The following PRH1 variants were observed in gnomAD, a reference collection of about 807,000 sequenced individuals.
PRH1 encodes the protein proline rich protein HaeIII subfamily 1.
PRH1 carries 7 observed loss-of-function variants against 7.9 expected under a neutral mutation model. The observed-to-expected ratio is 0.89, with a 90% CI of 0.50 to 1.67. The LOEUF (loss-of-function observed/expected upper bound fraction) is 1.67, where lower values mean the gene tolerates loss of function less well. Ranked by LOEUF, PRH1 falls within the 40% of genes most tolerant of loss-of-function variation. PRH1 has a pLI of 0.00. For missense variants in PRH1, 109 were observed against 223.6 expected (o/e 0.49, Z 3.27); for synonymous variants, 45 against 80.8 (o/e 0.56, Z 2.38).
intron 1 of PRH1, among the ~76,000 whole-genome samples, chr12:11,162,752 T>G (rs889415167): frequency 6.6e-6 from 1 of 152,154 alleles, no homozygotes; most frequent in Non-Finnish European, 1.5e-5. Context: ...AGAAGTGATG[T>G]GTGAAAACTC....
rs757698450 is a variant in PRH1, at chr12:10,986,730, G to A, written c.-125-13009C>T. The A allele has an allele frequency of 1.2e-6, 2 of 1,612,870 alleles. No homozygotes were observed. The highest frequency in any genetic ancestry group is 1.7e-6 in the Non-Finnish European group (2 of 1,179,816). On this transcript the variant is annotated intron_variant, in intron 1 of 3. Transcript: ENST00000539853. Reference sequence around the variant, plus strand: ...CGCCAGAGCAGTGAGAATTTGGTCAGCTGAGGAGATCTTTTTTCTCTTCAC... The same window carrying A: ...CGCCAGAGCAGTGAGAATTTGGTCAACTGAGGAGATCTTTTTTCTCTTCAC...
upstream of PRH1, among the ~76,000 whole-genome samples, chr12:11,049,778 A>G (rs1374269055): frequency 6.6e-6 from 1 of 151,982 alleles, no homozygotes; most frequent in African/African-American, 2.4e-5. Flanking sequence ...TAATACCAGA[A>G]TCTAAACCTT....
At chr12:11,002,711 A>G (rs1940651459) in intron 1 of PRH1, among the ~76,000 whole-genome samples, 1 of 152,096 alleles carries the variant, frequency 6.6e-6, no homozygotes. Context: ...CTACATATAC[A>G]CAAGCACACT....
At chr12:10,884,418 G>A, upstream of PRH1, 1 of 629,212 alleles carries the variant, frequency 1.6e-6, no homozygotes, top group East Asian at 2.8e-5. Context: ...AGCAGGAAGG[G>A]TTGGGTAGGA....
chr12:10,887,982 A>G (rs1949518523), upstream of PRH1, among the ~76,000 whole-genome samples: 1 of 152,214 alleles, frequency 6.6e-6, no homozygotes, highest in Admixed American at 6.5e-5. Flanking sequence ...AAACTAGAGA[A>G]GCATAGTATG....
intron 1 of PRH1, chr12:11,171,164 AG>A: frequency 2.5e-6 from 1 of 396,198 alleles, no homozygotes; most frequent in Non-Finnish European, 4.4e-6. Context: ...AGAAGCAGAC[AG>A]GAAGGGGCGG....
chr12:10,995,719 C>CA lies in PRH1; in HGVS notation c.-125-21999dup, dbSNP rs1268219168. Among the ~76,000 whole-genome samples the CA allele has an allele frequency of 2.6e-5, 4 of 151,956 alleles. No individual in the cohort carries two copies. In the East Asian group the frequency reaches 5.8e-4, roughly 22 times the overall value. ...TTCAGGAGCTCAGAGGTGGCTTAGA[C>CA]AAAAAACTGAAATATATAACATCAG... On this transcript the variant is annotated intron_variant, in intron 1 of 3. Transcript: ENST00000539853.
chr12:11,096,022 T>C lies in PRH1; in HGVS notation n.124-48834A>G, dbSNP rs576736084. Among the ~76,000 whole-genome samples, 86 of 112,938 alleles carry C rather than the reference T, an allele frequency of 7.6e-4. 20 individuals carry two copies. Among genetic ancestry groups the C allele is most frequent in the African/African-American group, 2.3e-3 (79 of 33,632 alleles). 74.1% of individuals were successfully genotyped at this position (112,938 alleles called of 152,430 possible). A position where few individuals can be genotyped will look rare whatever the true frequency, so the allele number is the denominator to read the frequency against. ...TCCTCTAGTTACTTTTCAGGTTTTCTATTGGTCTTTGATGTCCTGTCATTT... is the reference window on the plus strand; with the variant it reads ...TCCTCTAGTTACTTTTCAGGTTTTCCATTGGTCTTTGATGTCCTGTCATTT... On this transcript the variant is annotated intron_variant and non_coding_transcript_variant, in intron 1 of 4. Coordinates refer to the PRH1 transcript ENST00000541977.
chr12:10,938,016 T>C (rs1950317604), intron 2 of PRH1: 4 of 380,774 alleles, frequency 1.1e-5, no homozygotes, highest in Non-Finnish European at 1.9e-5. Flanking sequence ...AGGTGAATGA[T>C]TGATACAAAA....
At chr12:10,996,471 C>T (rs959089460) in intron 1 of PRH1, 1 of 151,952 alleles carries the variant, frequency 6.6e-6, no homozygotes, top group Admixed American at 6.6e-5. Context: ...CAGTTAAACA[C>T]ACTATGGTAC....
upstream of PRH1, chr12:11,049,264 C>A: frequency 1.2e-6 from 1 of 821,922 alleles, no homozygotes; most frequent in Non-Finnish European, 1.6e-6. Flanking sequence ...CATGTTTGAA[C>A]AAATGAAAAG....
At chr12:10,930,339 C>G (rs1263596514) in intron 2 of PRH1, 1 of 1,598,204 alleles carries the variant, frequency 6.3e-7, no homozygotes, top group African/African-American at 1.3e-5. Context: ...AACTCTGTCT[C>G]CATTTTTCCC....
intron 2 of PRH1, among the ~76,000 whole-genome samples, chr12:10,954,137 A>G (rs1937832342): frequency 6.6e-6 from 1 of 152,206 alleles, no homozygotes; most frequent in Non-Finnish European, 1.5e-5. Flanking sequence ...AAGAAAGATC[A>G]TTATCAGCCA....
chr12:10,993,902 T>A (rs942234068), intron 1 of PRH1, among the ~76,000 whole-genome samples: 1 of 152,178 alleles, frequency 6.6e-6, no homozygotes, highest in Non-Finnish European at 1.5e-5. Flanking sequence ...CCCTAGCCAA[T>A]TAGTGCAAGA....
intron 1 of PRH1, among the ~76,000 whole-genome samples, chr12:11,014,192 A>G (rs977655417): frequency 6.6e-6 from 1 of 152,240 alleles, no homozygotes; most frequent in African/African-American, 2.4e-5. Flanking sequence ...AGATTACATG[A>G]GATCACCAAC....
intron 2 of PRH1, among the ~76,000 whole-genome samples, chr12:10,912,806 A>G (rs1472939450): frequency 6.6e-6 from 1 of 152,146 alleles, no homozygotes; most frequent in Non-Finnish European, 1.5e-5. Context: ...GCTAAAATTT[A>G]TGTTATGCAT....
chr12:11,147,375 ACAGGGTTTCAC>A (rs1431468292), intron 1 of PRH1, among the ~76,000 whole-genome samples: 1 of 152,094 alleles, frequency 6.6e-6, no homozygotes, highest in African/African-American at 2.4e-5. Context: ...TTTAGTAGAG[ACAGGGTTTCAC>A]CAGGTTTCCC....
At chr12:11,154,114 T>C (rs1947184641) in intron 1 of PRH1, among the ~76,000 whole-genome samples, 1 of 152,152 alleles carries the variant, frequency 6.6e-6, no homozygotes, top group African/African-American at 2.4e-5. Flanking sequence ...TAGAATAAAG[T>C]CACTCAAATA....
intron 2 of PRH1, chr12:10,932,301 A>G: frequency 2.6e-6 from 1 of 381,616 alleles, no homozygotes; most frequent in Non-Finnish European, 5.7e-6. Context: ...CAATATACCA[A>G]TAAAATAATC....
Sources: gnomAD v4.1 joint callset for allele counts (sites outside exome capture counted in the v4.1 genomes callset) on GRCh38, gnomAD v4.1.1 for gene constraint, MANE v1.5 for transcripts, NCBI Gene and HGNC (gene_info 2026-07-23, HGNC 2026-07-21) for gene names.